ZNF628: variants seen among roughly 807,000 people sequenced by gnomAD.
ZNF628 encodes the protein zinc finger protein Zec.
In ZNF628, 3 loss-of-function variants were observed where a neutral mutation model predicts 2.5. The observed-to-expected ratio is 1.19, with a 90% CI of 0.54 to 3.07. The LOEUF is 3.07. ZNF628 is among the 30% of genes most tolerant of loss of function. The probability of loss-of-function intolerance (pLI) is 0.03; values close to 1 mark genes in which losing one functional copy is unlikely to be tolerated. For missense variants in ZNF628, 1,610 were observed against 1,517.1 expected, an observed-to-expected ratio of 1.06 and a Z score of -1.02; for synonymous variants, 861 against 717.1, an observed-to-expected ratio of 1.20 and a Z score of -3.21.
intron 1 of ZNF628, among the ~76,000 whole-genome samples, 154 bp downstream of exon 1, chr19:55,476,961 C>T (rs1381613775): frequency 6.6e-6 from 1 of 152,152 alleles, no homozygotes; most frequent in African/African-American, 2.4e-5. Flanking sequence ...GCCGGGTCCG[C>T]CCTCTTAAAG....
Position 55,481,715 on chromosome 19 carries a change from G to C in ZNF628, c.522G>C (p.Arg174=). ...RRHRHVHTGE[R]PYTCGVCGKS... is the part of the protein sequence containing the mutation. ...ACCGCCACGTGCACACCGGCGAGCG[G>C]CCCTACACCTGTGGAGTCTGCGGGA... Residue 174 remains arginine, a synonymous_variant, in exon 3 of 3, where the codon CGG becomes CGC. Coordinates refer to ENST00000598519, the MANE Select transcript of ZNF628 (RefSeq NM_033113.3). 1 of 1,612,408 alleles carries C rather than the reference G, an allele frequency of 6.2e-7. No homozygotes were observed. Among genetic ancestry groups the C allele is most frequent in the Non-Finnish European group, 8.5e-7 (1 of 1,179,402 alleles).
chr19:55,481,166 G>A (rs1298249066), intron 2 of ZNF628, 35 bp from the exon 3 acceptor site: 2 of 1,487,830 alleles, frequency 1.3e-6, no homozygotes, highest in Non-Finnish European at 1.8e-6. Flanking sequence ...GATCCAGTGC[G>A]GGGGTGAGCC....
rs557708164 is a variant in ZNF628, at chr19:55,477,469, A to T, written c.-78+662A>T. On this transcript the variant is annotated intron_variant, in intron 1 of 2. Transcript: ENST00000598519. ...TAAAGGGTACACTTATCTTTTAAAAAGGAAGTTCTTGGCTAGGCGCGGTGG... is the reference window on the plus strand; with the variant it reads ...TAAAGGGTACACTTATCTTTTAAAATGGAAGTTCTTGGCTAGGCGCGGTGG... Among the ~76,000 whole-genome samples, 14 of 152,112 alleles carry T rather than the reference A, an allele frequency of 9.2e-5. No homozygotes were observed. The South Asian group carries it at 2.9e-3, about 31-fold the overall frequency.
At position 55,482,008 on chromosome 19, in the gene ZNF628, C is replaced by T. The variant is rs1276551746; in HGVS notation, c.815C>T (p.Pro272Leu). The change falls in exon 3 of 3, where the codon CCG becomes CTG. Residue 272 changes from proline to leucine, a missense_variant. Physicochemically the swap from Pro to Leu is moderately conservative, Grantham distance 98 (BLOSUM62 -3). Around this residue, in one of 5 missense-constraint regions of ZNF628, gnomAD observed 651 missense variants for 575.6 expected, o/e 1.13. Coordinates refer to ENST00000598519, the MANE Select transcript of ZNF628 (RefSeq NM_033113.3). Reference protein sequence around the residue: ...PHSPPAPPAPPPPPPPVVPEL... With the variant: ...PHSPPAPPAPLPPPPPVVPEL... ...AGCCCGCCCGCGCCTCCCGCCCCGCCGCCCCCGCCCCCGCCCGTGGTGCCT... is the reference window on the plus strand; with the variant it reads ...AGCCCGCCCGCGCCTCCCGCCCCGCTGCCCCCGCCCCCGCCCGTGGTGCCT... 7 of 1,469,682 alleles carry T rather than the reference C, an allele frequency of 4.8e-6. No individual in the cohort carries two copies. The Admixed American group carries it at 6.9e-5, about 14-fold the overall frequency. 91.0% of individuals were successfully genotyped at this position (1,469,682 alleles called of 1,614,324 possible). A position where few individuals can be genotyped will look rare whatever the true frequency, so the allele number is the denominator to read the frequency against.
At position 55,481,993 on chromosome 19, in the gene ZNF628, C is replaced by A. The variant is rs1986725258; in HGVS notation, c.800C>A (p.Ala267Glu). The A allele has an allele frequency of 4.1e-6, 6 of 1,462,856 alleles. No individual in the cohort carries two copies. The highest frequency in any genetic ancestry group is 5.4e-6 in the Non-Finnish European group (6 of 1,113,050). The allele number at this position is 1,462,856 out of a possible 1,614,324, so 90.6% of individuals were successfully genotyped here. The change falls in exon 3 of 3, where the codon GCG (alanine) becomes GAG (glutamate). Residue 267 changes from alanine (A) to glutamate (E), a missense_variant. Ala to Glu is a moderately radical substitution (Grantham distance 107, BLOSUM62 -1). Around this residue, in one of 5 missense-constraint regions of ZNF628, gnomAD observed 651 missense variants for 575.6 expected, o/e 1.13. Coordinates refer to ENST00000598519, the MANE Select transcript of ZNF628 (RefSeq NM_033113.3). ...QRHLQPHSPP[A>E]PPAPPPPPPP... ...CACCTCCAGCCCCACAGCCCGCCCGCGCCTCCCGCCCCGCCGCCCCCGCCC... is the reference window on the plus strand; with the variant it reads ...CACCTCCAGCCCCACAGCCCGCCCGAGCCTCCCGCCCCGCCGCCCCCGCCC...
rs1350764758 is a variant in ZNF628 at position 55,483,121 on chromosome 19, C to T, written c.1928C>T (p.Thr643Met). Residue 643 changes from threonine to methionine, a missense_variant, in exon 3 of 3, where the codon ACG becomes ATG. By Grantham distance (81) the Thr-to-Met change is moderately conservative (BLOSUM62 -1). This residue lies in a region of ZNF628 where 712 missense variants were observed against 603.6 expected (regional missense o/e 1.18). Coordinates refer to ENST00000598519, the MANE Select transcript of ZNF628 (RefSeq NM_033113.3). The part of the protein sequence containing the change: ...MAAYLQRHLR[T>M]HAPANTPPST... ...GCCTATCTGCAGCGGCACCTGAGGA[C>T]GCACGCCCCGGCCAACACGCCTCCC... The T allele has an allele frequency of 6.3e-7, 1 of 1,594,436 alleles. No individual in the cohort carries two copies. The highest frequency in any genetic ancestry group is 8.5e-7 in the Non-Finnish European group (1 of 1,175,628).
At position 55,482,423 on chromosome 19, in the gene ZNF628, A is replaced by G. The variant is rs7254184; in HGVS notation, c.1230A>G (p.Glu410=). 954,022 of 1,362,512 alleles carry G rather than the reference A, an allele frequency of 0.7. 338,236 individuals carry two copies. The highest frequency in any genetic ancestry group is 0.73 in the South Asian group (44,841 of 61,512). The allele number at this position is 1,362,512 out of a possible 1,614,324, so 84.4% of individuals were successfully genotyped here. ...SLLAHQQCHV[E]EAAAGRPPPQ... ...TGGCGCATCAGCAGTGCCACGTGGA[A>G]GAGGCCGCGGCCGGGCGCCCGCCCC... is the stretch of plus-strand genomic sequence containing the variant. The change falls in exon 3 of 3, where the codon GAA becomes GAG. Residue 410 remains glutamate, a synonymous_variant. Transcript: ENST00000598519.
In ZNF628 at chr19:55,483,141, C is replaced by A; in HGVS notation, c.1948C>A (p.Pro650Thr). 6.3e-7 allele frequency: 1 copy of A among 1,579,598 alleles called. No homozygotes were observed. The highest frequency in any genetic ancestry group is 8.6e-7 in the Non-Finnish European group (1 of 1,169,442). ...GAGGACGCACGCCCCGGCCAACACGCCTCCCAGCACCACAGCCCCTGCCGC... is the reference window on the plus strand; with the variant it reads ...GAGGACGCACGCCCCGGCCAACACGACTCCCAGCACCACAGCCCCTGCCGC... ...HLRTHAPANT[P>T]PSTTAPAAGP... Residue 650 changes from proline (P) to threonine (T), a missense_variant, in exon 3 of 3, where the codon CCT becomes ACT. Transcript: ENST00000598519.
At chr19:55,481,081 C>T (rs897688488) in intron 2 of ZNF628, 120 bp from the exon 3 acceptor site, 8 of 1,326,310 alleles carry the variant, frequency 6.0e-6, no homozygotes, top group African/African-American at 1.5e-5. Context: ...TAAGGAAGGT[C>T]CCCTGCAAAG....
Position 55,481,444 on chromosome 19 carries a change from G to A in ZNF628, c.251G>A (p.Arg84Gln). The change falls in exon 3 of 3, where the codon CGA becomes CAA. Residue 84 changes from arginine (R) to glutamine (Q), a missense_variant. By Grantham distance (43) the Arg-to-Gln change is conservative. This residue lies in a region of ZNF628 where 166 missense variants were observed against 241.3 expected (regional missense o/e 0.69). Coordinates refer to ENST00000598519, the MANE Select transcript of ZNF628 (RefSeq NM_033113.3). Reference protein sequence around the residue: ...KGSSALLYHQRGHTGERPYQC... With the variant: ...KGSSALLYHQQGHTGERPYQC... ...TCCTCGGCCCTGCTCTACCACCAGCGAGGCCACACGGGCGAGCGGCCCTAC... is the reference window on the plus strand; with the variant it reads ...TCCTCGGCCCTGCTCTACCACCAGCAAGGCCACACGGGCGAGCGGCCCTAC... The A allele has an allele frequency of 1.2e-6, 2 of 1,612,298 alleles. No individual in the cohort carries two copies. Among genetic ancestry groups the A allele is most frequent in the Non-Finnish European group, 8.5e-7 (1 of 1,179,564 alleles).
At chr19:55,480,134 G>T (rs1375410073) in intron 2 of ZNF628, among the ~76,000 whole-genome samples, 7 of 152,144 alleles carry the variant, frequency 4.6e-5, no homozygotes, top group Non-Finnish European at 1.5e-5. Flanking sequence ...ATGGTAGATG[G>T]GCTGGAGTCT....
At chr19:55,480,402 C>T (rs752491557) in intron 2 of ZNF628, among the ~76,000 whole-genome samples, 2 of 151,518 alleles carry the variant, frequency 1.3e-5, no homozygotes, top group African/African-American at 4.9e-5. Flanking sequence ...CCTGCCACCA[C>T]GTCCAGCTAA....
Position 55,482,037 on chromosome 19 carries a change from C to G in ZNF628, c.844C>G (p.Leu282Val). The change falls in exon 3 of 3, where the codon CTC (leucine) becomes GTC (valine). Residue 282 changes from leucine (L) to valine (V), a missense_variant. Coordinates refer to ENST00000598519, the MANE Select transcript of ZNF628 (RefSeq NM_033113.3). ...CCCGCCCCCGCCCGTGGTGCCTGAG[C>G]TCTTTTTGGCGGCGGCGGAGACCAC... is the stretch of plus-strand genomic sequence containing the variant. ...PPPPPPVVPE[L>V]FLAAAETTVE... 6.8e-7 allele frequency: 1 copy of G among 1,477,416 alleles called. No homozygotes were observed. Among genetic ancestry groups the G allele is most frequent in the Non-Finnish European group, 9.0e-7 (1 of 1,115,298 alleles). 91.5% of individuals were successfully genotyped at this position (1,477,416 alleles called of 1,614,324 possible).
At position 55,483,175 on chromosome 19, in the gene ZNF628, A is replaced by G; in HGVS notation, c.1982A>G (p.Gln661Arg). ...PSTTAPAAGP[Q>R]PPAPLAAARA... ...ACCACAGCCCCTGCCGCCGGCCCCC[A>G]GCCCCCTGCTCCACTGGCTGCTGCG... is the stretch of plus-strand genomic sequence containing the variant. The change falls in exon 3 of 3, where the codon CAG (glutamine) becomes CGG (arginine). Residue 661 changes from glutamine to arginine, a missense_variant. Transcript: ENST00000598519. The G allele has an allele frequency of 6.5e-7, 1 of 1,548,830 alleles. No individual in the cohort carries two copies. The highest frequency in any genetic ancestry group is 8.7e-7 in the Non-Finnish European group (1 of 1,154,722).
At position 55,479,189 on chromosome 19, in the gene ZNF628, A is replaced by G. The variant is rs982925699; in HGVS notation, c.-77-645A>G. On this transcript the variant is annotated intron_variant, in intron 1 of 2. Coordinates refer to ENST00000598519, the MANE Select transcript of ZNF628 (RefSeq NM_033113.3). This position sits in a 1 kb window ranked among gnomAD's most constrained non-coding sequence, Gnocchi z 5.1. ...GGGGACTGAGATGGGGTGACAGGTG[A>G]CGGAGGGCAGTGAGGGAGCGAGGTA... Among the ~76,000 whole-genome samples the G allele has an allele frequency of 6.6e-6, 1 of 152,058 alleles. No homozygotes were observed.
Position 55,483,786 on chromosome 19 carries a change from G to A in ZNF628, c.2593G>A (p.Val865Ile). 1.2e-6 allele frequency: 2 copies of A among 1,613,878 alleles called. No individual in the cohort carries two copies. The highest frequency in any genetic ancestry group is 1.7e-6 in the Non-Finnish European group (2 of 1,179,868). Residue 865 changes from valine (V) to isoleucine (I), a missense_variant, in exon 3 of 3, where the codon GTC (valine) becomes ATC (isoleucine). By Grantham distance (29) the Val-to-Ile change is conservative. This residue lies in a region of ZNF628 where 712 missense variants were observed against 603.6 expected (regional missense o/e 1.18). Transcript: ENST00000598519. ...QLQPAQEVTT[V>I]QLQPVAGQLS... The stretch of plus-strand genomic sequence containing the variant: ...CCAGCCAGCACAGGAGGTGACCACG[G>A]TCCAGCTCCAGCCCGTGGCCGGCCA...
At chr19:55,476,881 G>T (rs1986559686) in intron 1 of ZNF628, 74 bp downstream of exon 1, 1 of 143,890 alleles carries the variant, frequency 6.9e-6, no homozygotes, top group East Asian at 2.2e-4. Flanking sequence ...GGGGCGGGGG[G>T]GGGGGCGTGA....
chr19:55,481,692 C>G lies in ZNF628; in HGVS notation c.499C>G (p.Arg167Gly), dbSNP rs1445004685. 17 of 1,613,054 alleles carry G rather than the reference C, an allele frequency of 1.1e-5. No homozygotes were observed. The highest frequency in any genetic ancestry group is 1.4e-5 in the Non-Finnish European group (17 of 1,179,616). ...FKNSSSLRRH[R>G]HVHTGERPYT... ...GAACTCGTCCAGCCTGCGGCGCCAC[C>G]GCCACGTGCACACCGGCGAGCGGCC... is the stretch of plus-strand genomic sequence containing the variant. Residue 167 changes from arginine (R) to glycine (G), a missense_variant, in exon 3 of 3, where the codon CGC becomes GGC. This residue lies in a region of ZNF628 where 166 missense variants were observed against 241.3 expected (regional missense o/e 0.69). Transcript: ENST00000598519.
In ZNF628 at chr19:55,482,576, G is replaced by A. The variant is rs369478196; in HGVS notation, c.1383G>A (p.Lys461=). The A allele has an allele frequency of 8.8e-6, 14 of 1,591,030 alleles. No individual in the cohort carries two copies. Among genetic ancestry groups the A allele is most frequent in the African/African-American group, 1.3e-5 (1 of 74,420 alleles). Residue 461 remains lysine, a synonymous_variant, in exon 3 of 3, where the codon AAG becomes AAA. Transcript: ENST00000598519. ...ERPYKCAECG[K]SFKGSSGLRY... ...CCTACAAATGTGCCGAGTGCGGCAA[G>A]TCCTTCAAGGGCTCCTCCGGGCTGC...
Sources: gnomAD v4.1 joint callset for allele counts (sites outside exome capture counted in the v4.1 genomes callset) on GRCh38, gnomAD v4.1.1 for gene constraint, gnomAD v4.1.1 regional missense constraint, Gnocchi (gnomAD v3.1) non-coding constraint, MANE v1.5 for transcripts, NCBI Gene and HGNC (gene_info 2026-07-23, HGNC 2026-07-21) for gene names.